Variants in ASCC3 observed in about 807,000 individuals in gnomAD.
The protein encoded by ASCC3 is ASC-1 complex subunit P200.
In ASCC3, 158 loss-of-function variants were observed where a neutral mutation model predicts 256.3. The observed-to-expected ratio is 0.62, with a 90% CI of 0.54 to 0.70. ASCC3 has a LOEUF of 0.70. Among genes scored for constraint, ASCC3 ranks in the 30% least tolerant of loss-of-function variants. The pLI is 0.00. For missense variants in ASCC3, 2,259 were observed against 2,626.0 expected (o/e 0.86, Z 3.05); for synonymous variants, 948 against 883.4 (o/e 1.07, Z -1.30).
intron 8 of ASCC3, among the ~76,000 whole-genome samples, chr6:100,786,965 G>C (rs11155666): frequency 0.42 from 63,647 of 151,898 alleles, 13,911 homozygotes; most frequent in South Asian, 0.6. Flanking sequence ...TTATCAGTAA[G>C]TATCAGTTTT....
chr6:100,699,932 A>G (rs896692783), intron 13 of ASCC3, among the ~76,000 whole-genome samples: 3 of 152,236 alleles, frequency 2.0e-5, no homozygotes, highest in African/African-American at 7.2e-5. Flanking sequence ...AAAAGCATTC[A>G]GTTTTAAAAG....
chr6:100,874,337 G>A (rs1054396283), intron 1 of ASCC3, among the ~76,000 whole-genome samples: 16 of 151,788 alleles, frequency 1.1e-4, no homozygotes, highest in South Asian at 4.2e-4. Context: ...GTGGTGGTGC[G>A]CACCTGTAGT....
chr6:100,777,559 G>A (rs764832243), intron 8 of ASCC3, among the ~76,000 whole-genome samples: 5 of 152,156 alleles, frequency 3.3e-5, no homozygotes, highest in Non-Finnish European at 5.9e-5. Context: ...GTAATGGGGA[G>A]TGAGACATAA....
intron 25 of ASCC3, 89 bp downstream of exon 25, chr6:100,638,512 A>G: frequency 1.8e-6 from 2 of 1,105,168 alleles, no homozygotes; most frequent in South Asian, 1.5e-5. Flanking sequence ...TCTATTCATT[A>G]GACCCTGCCA....
intron 2 of ASCC3, among the ~76,000 whole-genome samples, chr6:100,867,257 T>C (rs1261594680): frequency 6.6e-6 from 1 of 152,174 alleles, no homozygotes; most frequent in Non-Finnish European, 1.5e-5. Context: ...TATTAACTCA[T>C]ATAAGGAAAC....
intron 8 of ASCC3, among the ~76,000 whole-genome samples, chr6:100,788,404 T>G: frequency 6.6e-6 from 1 of 152,012 alleles, no homozygotes; most frequent in East Asian, 1.9e-4. Context: ...GGAAAACAGT[T>G]TGCCAGTTTC....
chr6:100,840,406 A>T (rs1315017442), intron 4 of ASCC3, among the ~76,000 whole-genome samples: 2 of 151,524 alleles, frequency 1.3e-5, no homozygotes, highest in East Asian at 2.0e-4. Context: ...TGACTCACTA[A>T]AGCCTCAACC....
At chr6:100,655,162 G>A (rs239232) in intron 17 of ASCC3, among the ~76,000 whole-genome samples, 89,579 of 151,610 alleles carry the variant, frequency 0.59, 26,948 homozygotes, top group East Asian at 0.73. Flanking sequence ...ACACAATTGT[G>A]AAGTTCATAG....
intron 4 of ASCC3, among the ~76,000 whole-genome samples, chr6:100,843,325 A>C (rs1772237459): frequency 6.6e-6 from 1 of 152,210 alleles, no homozygotes; most frequent in Non-Finnish European, 1.5e-5. Flanking sequence ...CTGGAGGTTC[A>C]GAAATGAACT....
At chr6:100,863,332 G>A (rs1773316431) in intron 3 of ASCC3, among the ~76,000 whole-genome samples, 2 of 152,114 alleles carry the variant, frequency 1.3e-5, no homozygotes, top group South Asian at 2.1e-4. Flanking sequence ...GAATATTAGT[G>A]TAGGAAGGGA....
At chr6:100,776,725 T>C (rs1489152120) in intron 8 of ASCC3, among the ~76,000 whole-genome samples, 1 of 152,048 alleles carries the variant, frequency 6.6e-6, no homozygotes, top group South Asian at 2.1e-4. Flanking sequence ...TCATTTTTTA[T>C]AATAATCATA....
chr6:100,764,839 G>A (rs1165506352), intron 10 of ASCC3, among the ~76,000 whole-genome samples: 4 of 152,160 alleles, frequency 2.6e-5, no homozygotes, highest in Middle Eastern at 3.4e-3. Flanking sequence ...GGGGGGTCGG[G>A]GAGATGATAT....
At chr6:100,685,815 A>C (rs1405070239) in intron 13 of ASCC3, among the ~76,000 whole-genome samples, 1 of 152,224 alleles carries the variant, frequency 6.6e-6, no homozygotes, top group Non-Finnish European at 1.5e-5. Context: ...CAATTTTAAA[A>C]GGTTTCATTG....
In ASCC3 at chr6:100,848,134, C is replaced by A. The variant is rs1173011983; in HGVS notation, c.801+14G>T. On this transcript the variant is annotated intron_variant, in intron 4 of 41. Transcript: ENST00000369162. ...TTCACATTAATATAAAAAAATAAAT[C>A]ATTTCAACTATACCTCATCCTGAAG... The A allele has an allele frequency of 2.6e-6, 4 of 1,558,088 alleles. No individual in the cohort carries two copies. In the Admixed American group the frequency reaches 8.3e-5, roughly 33 times the overall value.
intron 30 of ASCC3, among the ~76,000 whole-genome samples, chr6:100,614,061 T>A (rs940270480): frequency 6.6e-6 from 1 of 152,160 alleles, no homozygotes; most frequent in South Asian, 2.1e-4. Context: ...TTATTCATGT[T>A]TTTAATTTAA....
intron 8 of ASCC3, among the ~76,000 whole-genome samples, chr6:100,794,856 A>T (rs1769529585): frequency 6.6e-6 from 1 of 152,112 alleles, no homozygotes; most frequent in Non-Finnish European, 1.5e-5. Context: ...TAACTGTGGA[A>T]ATAGACAGAA....
At chr6:100,790,446 C>T (rs1024125305) in intron 8 of ASCC3, among the ~76,000 whole-genome samples, 28 of 151,824 alleles carry the variant, frequency 1.8e-4, no homozygotes, top group African/African-American at 6.8e-4. Context: ...TACTGATGAC[C>T]AATAACCAAT....
chr6:100,730,953 A>T (rs2115049388), intron 10 of ASCC3, among the ~76,000 whole-genome samples: 1 of 152,344 alleles, frequency 6.6e-6, no homozygotes, highest in African/African-American at 2.4e-5. Flanking sequence ...CAAAATAAAA[A>T]TGTATTCAAG....
rs148099735 is a variant in ASCC3 at position 100,516,342 on chromosome 6, C to G, written c.5928-15G>C. 1.3e-4 allele frequency: 215 copies of G among 1,613,312 alleles called. 2 individuals carry two copies. In the African/African-American group the frequency reaches 2.5e-3, roughly 19 times the overall value. On this transcript the variant is annotated splice_polypyrimidine_tract_variant and intron_variant, in intron 38 of 41. Coordinates refer to ENST00000369162, the MANE Select transcript of ASCC3 (RefSeq NM_006828.4). ...GCTTCCATTTCCTAGGAAATAATAT[C>G]AAACCAACCAAATAATTGTTTCACA...
Sources: allele counts gnomAD v4.1 joint callset (sites outside exome capture counted in the v4.1 genomes callset), GRCh38; gene constraint gnomAD v4.1.1; transcripts MANE v1.5; gene names NCBI Gene and HGNC (gene_info 2026-07-23, HGNC 2026-07-21).